The following AGBL4 variants were observed in gnomAD, a reference collection of about 807,000 sequenced individuals.
The protein encoded by AGBL4 is AGBL carboxypeptidase 4.
In AGBL4, 58 loss-of-function variants were observed where a neutral mutation model predicts 66.4. That is an observed-to-expected ratio of 0.87 (90% CI 0.71 to 1.09). The LOEUF is 1.09. AGBL4 is among the 50% of genes least tolerant of loss of function. The pLI is 0.00. For missense variants in AGBL4, 579 were observed against 631.0 expected, an observed-to-expected ratio of 0.92 and a Z score of 0.88; for synonymous variants, 234 against 222.9, an observed-to-expected ratio of 1.05 and a Z score of -0.44.
chr1:48,968,659 T>C (rs1405057994), intron 5 of AGBL4, among the ~76,000 whole-genome samples: 1 of 152,138 alleles, frequency 6.6e-6, no homozygotes, highest in African/African-American at 2.4e-5. Flanking sequence ...GGGAAGGACT[T>C]ATCTAAGGCC....
At chr1:49,920,369 T>C (rs1439247746) in intron 1 of AGBL4, among the ~76,000 whole-genome samples, 22 of 152,106 alleles carry the variant, frequency 1.4e-4, no homozygotes, top group African/African-American at 4.8e-4. Flanking sequence ...CCAGAATCTA[T>C]AAAGAACTCG....
chr1:49,429,294 T>C (rs890958323), intron 3 of AGBL4, among the ~76,000 whole-genome samples: 2 of 152,222 alleles, frequency 1.3e-5, no homozygotes, highest in African/African-American at 2.4e-5. Flanking sequence ...ATGAAAGGTC[T>C]GTCTGGCAAT....
chr1:49,454,986 T>C (rs1369315407), intron 3 of AGBL4, among the ~76,000 whole-genome samples: 1 of 151,676 alleles, frequency 6.6e-6, no homozygotes, highest in Admixed American at 6.6e-5. Context: ...TTTCTATCAC[T>C]ATCAACCCTC....
At chr1:49,442,938 A>G (rs1486593759) in intron 3 of AGBL4, among the ~76,000 whole-genome samples, 1 of 152,134 alleles carries the variant, frequency 6.6e-6, no homozygotes, top group Non-Finnish European at 1.5e-5. Context: ...GCTCACCAAC[A>G]TCTGTCATCT....
intron 1 of AGBL4, among the ~76,000 whole-genome samples, chr1:49,918,426 T>C (rs549394407): frequency 2.9e-4 from 44 of 152,158 alleles, no homozygotes; most frequent in African/African-American, 9.9e-4. Flanking sequence ...CCCACAGAAA[T>C]ACAAACTACC....
chr1:48,616,974 C>G (rs1253412341), intron 9 of AGBL4, among the ~76,000 whole-genome samples: 1 of 152,122 alleles, frequency 6.6e-6, no homozygotes, highest in Non-Finnish European at 1.5e-5. Flanking sequence ...GGGACCATTT[C>G]TTTTATCTCT....
At chr1:48,639,864 A>G (rs1200200266) in intron 8 of AGBL4, among the ~76,000 whole-genome samples, 1 of 152,170 alleles carries the variant, frequency 6.6e-6, no homozygotes, top group Non-Finnish European at 1.5e-5. Flanking sequence ...AACTGACTAT[A>G]AGCACAAGAG....
chr1:48,946,039 C>T (rs1188935304), intron 5 of AGBL4, among the ~76,000 whole-genome samples: 4 of 152,218 alleles, frequency 2.6e-5, no homozygotes, highest in African/African-American at 4.8e-5. Flanking sequence ...CTTCTGTTCA[C>T]GCTATTCCAC....
intron 3 of AGBL4, among the ~76,000 whole-genome samples, chr1:49,348,702 T>C (rs894749228): frequency 6.6e-6 from 1 of 152,222 alleles, no homozygotes; most frequent in Admixed American, 6.5e-5. Flanking sequence ...TAGATTTCCA[T>C]AGTTTTAATC....
At chr1:50,021,784 CAG>C (rs1238257897) in intron 1 of AGBL4, among the ~76,000 whole-genome samples, 2 of 152,112 alleles carry the variant, frequency 1.3e-5, no homozygotes, top group Non-Finnish European at 2.9e-5. Flanking sequence ...ACATTGTAGC[CAG>C]AGTTATTTTT....
chr1:49,874,465 A>G (rs1347087770), intron 1 of AGBL4, among the ~76,000 whole-genome samples: 1 of 152,166 alleles, frequency 6.6e-6, no homozygotes, highest in Non-Finnish European at 1.5e-5. Context: ...AAAAAACCCA[A>G]TAAAGTTTAT....
chr1:49,988,385 T>C (rs1290577483), intron 1 of AGBL4, among the ~76,000 whole-genome samples: 1 of 152,170 alleles, frequency 6.6e-6, no homozygotes, highest in Non-Finnish European at 1.5e-5. Context: ...CTAAGGTCAC[T>C]TAGTCAATTT....
At chr1:49,739,302 T>A (rs1650198389) in intron 2 of AGBL4, among the ~76,000 whole-genome samples, 2 of 152,214 alleles carry the variant, frequency 1.3e-5, no homozygotes, top group South Asian at 4.2e-4. Context: ...AGAAATGGTA[T>A]CAGTGATGGA....
At chr1:48,908,790 A>G (rs1036640388) in intron 5 of AGBL4, among the ~76,000 whole-genome samples, 2 of 152,180 alleles carry the variant, frequency 1.3e-5, no homozygotes, top group African/African-American at 2.4e-5. Flanking sequence ...AGTCTTTCAC[A>G]TATGTAGTTT....
rs561638400 is a variant in AGBL4 at position 48,830,985 on chromosome 1, C to T, written c.634+36206G>A. 2.0e-5 allele frequency among the ~76,000 whole-genome samples: 3 copies of T among 152,180 alleles called. No homozygotes were observed. The South Asian group carries it at 6.2e-4, about 32-fold the overall frequency. ...ATCTTGTGGGGAAGATAGAGAAAAC[C>T]CAAATGGTTATATAATGTCAGGTAG... is the stretch of plus-strand genomic sequence containing the variant. On this transcript the variant is annotated intron_variant, in intron 6 of 13. Transcript: ENST00000371839.
At chr1:49,978,633 C>A (rs949684453) in intron 1 of AGBL4, among the ~76,000 whole-genome samples, 1 of 152,124 alleles carries the variant, frequency 6.6e-6, no homozygotes, top group African/African-American at 2.4e-5. Flanking sequence ...TCAGAATAAA[C>A]AGGTAAATAT....
chr1:49,986,509 T>C (rs886071516), intron 1 of AGBL4, among the ~76,000 whole-genome samples: 1 of 152,062 alleles, frequency 6.6e-6, no homozygotes, highest in African/African-American at 2.4e-5. Flanking sequence ...TATGTACATA[T>C]TCAGAGGAAG....
At chr1:48,567,405 C>G (rs1644494291) in intron 11 of AGBL4, among the ~76,000 whole-genome samples, 1 of 152,134 alleles carries the variant, frequency 6.6e-6, no homozygotes, top group Non-Finnish European at 1.5e-5. Flanking sequence ...GTGATGATGC[C>G]CAGCACTGCA....
At chr1:48,834,329 G>A (rs1646627145) in intron 6 of AGBL4, among the ~76,000 whole-genome samples, 2 of 152,136 alleles carry the variant, frequency 1.3e-5, no homozygotes, top group African/African-American at 4.8e-5. Flanking sequence ...AGACTCTGGG[G>A]CTGATGGGAG....
Sources: gnomAD v4.1 joint callset for allele counts (sites outside exome capture counted in the v4.1 genomes callset) on GRCh38, gnomAD v4.1.1 for gene constraint, MANE v1.5 for transcripts, NCBI Gene and HGNC (gene_info 2026-07-23, HGNC 2026-07-21) for gene names.